TMEM178A: variants seen among roughly 807,000 people sequenced by gnomAD.
The protein encoded by TMEM178A is transmembrane protein 178.
A neutral mutation model predicts 29.1 loss-of-function variants in TMEM178A; 12 were observed. The ratio of observed to expected loss-of-function variants is 0.41; its 90% CI spans 0.26 to 0.67. The LOEUF (loss-of-function observed/expected upper bound fraction) is 0.67. TMEM178A is among the 30% of genes least tolerant of loss of function. The probability of loss-of-function intolerance (pLI) is 0.29; values close to 1 mark genes in which losing one functional copy is unlikely to be tolerated. For synonymous variants in TMEM178A, 210 were observed against 187.2 expected, an observed-to-expected ratio of 1.12 and a Z score of -0.99; for missense variants, 366 against 419.1, an observed-to-expected ratio of 0.87 and a Z score of 1.11.
the TMEM178A span, among the ~76,000 whole-genome samples, chr2:39,735,468 A>G: frequency 5.9e-5 from 9 of 152,324 alleles, no homozygotes; most frequent in South Asian, 1.9e-3. Flanking sequence ...TGTTTCCCAG[A>G]GCATCAGGTA....
the TMEM178A span, among the ~76,000 whole-genome samples, chr2:39,729,896 G>T: frequency 6.6e-6 from 1 of 152,100 alleles, no homozygotes; most frequent in Non-Finnish European, 1.5e-5. Flanking sequence ...TTCTCACAGT[G>T]GTGATCAGCT....
At chr2:39,684,102 G>T (rs749946161) in intron 1 of TMEM178A, among the ~76,000 whole-genome samples, 5 of 152,084 alleles carry the variant, frequency 3.3e-5, no homozygotes, top group Non-Finnish European at 5.9e-5. Context: ...CTAGCCTTTT[G>T]TGTCATGTTA....
At chr2:39,699,000 T>C (rs1054393891) in intron 1 of TMEM178A, among the ~76,000 whole-genome samples, 1 of 152,076 alleles carries the variant, frequency 6.6e-6, no homozygotes, top group Non-Finnish European at 1.5e-5. Context: ...CTAAGATTGT[T>C]AGTAATAGCC....
At chr2:39,703,569 G>A (rs747058950) in intron 1 of TMEM178A, among the ~76,000 whole-genome samples, 7 of 152,142 alleles carry the variant, frequency 4.6e-5, no homozygotes, top group Non-Finnish European at 8.8e-5. Context: ...AATGATATCA[G>A]CTGCACTAGA....
intron 1 of TMEM178A, among the ~76,000 whole-genome samples, chr2:39,687,705 C>G (rs533656467): frequency 1.3e-5 from 2 of 152,310 alleles, no homozygotes; most frequent in East Asian, 1.9e-4. Flanking sequence ...AAGGCAGCAT[C>G]AAGGTATCAG....
the TMEM178A span, among the ~76,000 whole-genome samples, chr2:39,729,862 G>A: frequency 6.6e-6 from 1 of 152,092 alleles, no homozygotes; most frequent in Non-Finnish European, 1.5e-5. Flanking sequence ...TCTTCAGAGG[G>A]GCCCTACAGG....
chr2:39,700,138 T>C (rs1291512208), intron 1 of TMEM178A, among the ~76,000 whole-genome samples: 1 of 152,168 alleles, frequency 6.6e-6, no homozygotes, highest in Admixed American at 6.5e-5. Flanking sequence ...GATGGAGTGT[T>C]CATAGATGTC....
chr2:39,704,267 A>T, intron 2 of TMEM178A, 73 bp downstream of exon 2: 1 of 1,250,842 alleles, frequency 8.0e-7, no homozygotes, highest in Non-Finnish European at 1.2e-6. Context: ...CCCCTCTCAC[A>T]TCTGGACAGA....
chr2:39,713,589 GGC>G (rs1672404082), intron 3 of TMEM178A, among the ~76,000 whole-genome samples: 1 of 152,218 alleles, frequency 6.6e-6, no homozygotes, highest in Non-Finnish European at 1.5e-5. Context: ...GGGAGAAGAT[GGC>G]CATTGACAAG....
chr2:39,701,983 C>T (rs1294770357), intron 1 of TMEM178A, among the ~76,000 whole-genome samples: 1 of 151,916 alleles, frequency 6.6e-6, no homozygotes, highest in African/African-American at 2.4e-5. Context: ...TTCTTTACTT[C>T]TTTGAACATA....
intron 1 of TMEM178A, among the ~76,000 whole-genome samples, chr2:39,666,745 C>G (rs1363042447): frequency 1.3e-5 from 2 of 152,186 alleles, no homozygotes; most frequent in African/African-American, 4.8e-5. Context: ...GACGCTGCTC[C>G]CCGTGAGGGG....
intron 1 of TMEM178A, among the ~76,000 whole-genome samples, chr2:39,686,021 G>C (rs908380264): frequency 6.6e-6 from 1 of 152,230 alleles, no homozygotes; most frequent in Non-Finnish European, 1.5e-5. Context: ...TTTCACCCCT[G>C]CACATTCGTG....
At chr2:39,694,442 C>T (rs745663856) in intron 1 of TMEM178A, among the ~76,000 whole-genome samples, 10 of 152,086 alleles carry the variant, frequency 6.6e-5, no homozygotes, top group Non-Finnish European at 1.0e-4. Context: ...TATGGCAGAA[C>T]CAGATATAGT....
intron 1 of TMEM178A, among the ~76,000 whole-genome samples, chr2:39,666,918 G>T (rs1247646280): frequency 1.3e-5 from 2 of 152,234 alleles, no homozygotes; most frequent in Non-Finnish European, 2.9e-5. Flanking sequence ...AACTGATGTG[G>T]TCATCCCAGC....
In TMEM178A at chr2:39,706,442, A is replaced by T. The variant is rs149951187; in HGVS notation, c.515-607A>T. Reference sequence around the variant, plus strand: ...TGCACTTTACACCACTGTTCCACTCACCACAATTGCCTTCGCTTTCTCAAA... The same window carrying T: ...TGCACTTTACACCACTGTTCCACTCTCCACAATTGCCTTCGCTTTCTCAAA... On this transcript the variant is annotated intron_variant, in intron 2 of 3. Coordinates refer to ENST00000281961, the MANE Select transcript of TMEM178A (RefSeq NM_152390.3). Among the ~76,000 whole-genome samples, 601 of 152,348 alleles carry T rather than the reference A, an allele frequency of 3.9e-3. 4 individuals carry two copies. Among genetic ancestry groups the T allele is most frequent in the African/African-American group, 0.013 (537 of 41,584 alleles).
At chr2:39,698,435 A>C (rs1024659794) in intron 1 of TMEM178A, among the ~76,000 whole-genome samples, 3 of 152,132 alleles carry the variant, frequency 2.0e-5, no homozygotes, top group African/African-American at 7.2e-5. Context: ...TCTGACCTTT[A>C]TTCTGTTGAT....
At chr2:39,681,233 G>C (rs949064554) in intron 1 of TMEM178A, among the ~76,000 whole-genome samples, 2 of 152,136 alleles carry the variant, frequency 1.3e-5, no homozygotes, top group African/African-American at 4.8e-5. Context: ...GATAGGACCT[G>C]TTTTTACTTA....
At chr2:39,699,377 T>C (rs1671685103) in intron 1 of TMEM178A, among the ~76,000 whole-genome samples, 1 of 152,132 alleles carries the variant, frequency 6.6e-6, no homozygotes, top group African/African-American at 2.4e-5. Context: ...CACCCTAGCT[T>C]TGTAATCTCT....
At chr2:39,681,662 A>C (rs773268226) in intron 1 of TMEM178A, among the ~76,000 whole-genome samples, 6 of 152,208 alleles carry the variant, frequency 3.9e-5, no homozygotes, top group Non-Finnish European at 1.5e-5. Context: ...ACTAGGGAAG[A>C]GTCTTACAAA....
Sources: gnomAD v4.1 joint callset for allele counts (sites outside exome capture counted in the v4.1 genomes callset) on GRCh38, gnomAD v4.1.1 for gene constraint, MANE v1.5 for transcripts, NCBI Gene and HGNC (gene_info 2026-07-23, HGNC 2026-07-21) for gene names.